COL4A4: variants seen among roughly 807,000 people sequenced by gnomAD.
COL4A4 encodes the protein collagen alpha-4(IV) chain.
In COL4A4, 105 loss-of-function variants were observed where a neutral mutation model predicts 192.9. The observed-to-expected ratio is 0.54, with a 90% CI of 0.46 to 0.64. The LOEUF is 0.64. Ranked by LOEUF, COL4A4 falls within the 30% of genes least tolerant of loss-of-function variation. COL4A4 has a pLI of 0.00. For synonymous variants in COL4A4, 762 were observed against 769.9 expected, an observed-to-expected ratio of 0.99 and a Z score of 0.17; for missense variants, 1,967 against 2,169.3, an observed-to-expected ratio of 0.91 and a Z score of 1.85.
chr2:226,988,279 A>G, the COL4A4 span: 1 of 1,519,222 alleles, frequency 6.6e-7, no homozygotes, highest in Non-Finnish European at 8.8e-7. Flanking sequence ...AGGCCACTGT[A>G]AGTCTCTTCC....
intron 3 of COL4A4, among the ~76,000 whole-genome samples, chr2:227,142,979 A>G (rs1388616217): frequency 6.6e-6 from 1 of 151,282 alleles, no homozygotes; most frequent in Non-Finnish European, 1.5e-5. Context: ...ATTAATAAGC[A>G]TATTCATACA....
At chr2:227,142,804 A>G in intron 3 of COL4A4, among the ~76,000 whole-genome samples, 1 of 152,034 alleles carries the variant, frequency 6.6e-6, no homozygotes, top group Non-Finnish European at 1.5e-5. Context: ...AATGTCTTAT[A>G]CTTGTAATTC....
At chr2:226,993,195 C>T in the COL4A4 span, among the ~76,000 whole-genome samples, 44 of 152,308 alleles carry the variant, frequency 2.9e-4, no homozygotes, top group Non-Finnish European at 1.8e-4. Context: ...TATTAATCTG[C>T]GGGCTTTTTC....
chr2:227,033,575 T>C, intron 37 of COL4A4, 94 bp from the exon 38 acceptor site: 1 of 1,080,460 alleles, frequency 9.3e-7, no homozygotes, highest in South Asian at 1.3e-5. Context: ...AGAGGGCGCG[T>C]TGCTGGGGCC....
chr2:227,041,774 G>GAAA (rs1971016320), intron 37 of COL4A4, among the ~76,000 whole-genome samples: 8 of 84,134 alleles, frequency 9.5e-5, no homozygotes, highest in African/African-American at 4.0e-4. Context: ...AAGGAAGGAA[G>GAAA]GAAGGAAGGA....
the COL4A4 span, among the ~76,000 whole-genome samples, chr2:226,974,459 G>A: frequency 2.6e-5 from 4 of 152,036 alleles, no homozygotes; most frequent in African/African-American, 7.2e-5. Context: ...GGATGGTTTC[G>A]ATCTCCTGAC....
chr2:227,054,682 A>AC lies in COL4A4; in HGVS notation c.2771dup (p.Ala925CysfsTer38). 2 of 1,614,188 alleles carry AC rather than the reference A, an allele frequency of 1.2e-6. No individual in the cohort carries two copies. The highest frequency in any genetic ancestry group is 1.7e-6 in the Non-Finnish European group (2 of 1,180,024). On this transcript the variant is annotated frameshift_variant, in exon 31 of 48. Transcript: ENST00000396625. LOFTEE classifies it high-confidence loss of function. The stretch of plus-strand genomic sequence containing the variant: ...CCTTTGCGCCAGGACATCCCTCTGC[A>AC]CCAGGCTTTCCTCTTTCTCCGGGAA...
At chr2:227,036,702 C>T (rs1026596599) in intron 37 of COL4A4, among the ~76,000 whole-genome samples, 2 of 152,130 alleles carry the variant, frequency 1.3e-5, no homozygotes, top group Non-Finnish European at 2.9e-5. Flanking sequence ...GCTGTCAAGA[C>T]GATGCGGGAC....
At chr2:227,163,715 T>C (rs996873132) in intron 1 of COL4A4, among the ~76,000 whole-genome samples, 1 of 152,224 alleles carries the variant, frequency 6.6e-6, no homozygotes, top group African/African-American at 2.4e-5. Context: ...CAGCGGAGAA[T>C]AAGATGGGCT....
At chr2:227,117,043 G>A (rs911604034) in intron 7 of COL4A4, among the ~76,000 whole-genome samples, 11 of 152,138 alleles carry the variant, frequency 7.2e-5, no homozygotes, top group Admixed American at 4.6e-4. Context: ...AACTGGCAAA[G>A]TTTCTAATGT....
At chr2:226,967,747 C>T in the COL4A4 span, among the ~76,000 whole-genome samples, 1 of 151,992 alleles carries the variant, frequency 6.6e-6, no homozygotes, top group Non-Finnish European at 1.5e-5. Flanking sequence ...TATGTCCACA[C>T]CCCCAAGAGG....
chr2:227,078,123 A>G, intron 24 of COL4A4, 46 bp from the exon 25 acceptor site: 2 of 1,596,728 alleles, frequency 1.3e-6, no homozygotes, highest in Non-Finnish European at 1.7e-6. Flanking sequence ...CTGAATGTCC[A>G]TGAACTCAAA....
chr2:227,091,022 T>TAA (rs202185491), intron 20 of COL4A4, among the ~76,000 whole-genome samples: 76 of 151,598 alleles, frequency 5.0e-4, no homozygotes, highest in Non-Finnish European at 9.3e-4. Flanking sequence ...ATGATTTGTC[T>TAA]AAAAAAACAG....
intron 20 of COL4A4, among the ~76,000 whole-genome samples, chr2:227,092,016 T>G (rs1444949472): frequency 6.6e-6 from 1 of 151,868 alleles, no homozygotes; most frequent in African/African-American, 2.4e-5. Context: ...CCAGTACAAA[T>G]GTACCCACAC....
chr2:227,070,994 A>C (rs1048403407), intron 25 of COL4A4, among the ~76,000 whole-genome samples: 1 of 152,164 alleles, frequency 6.6e-6, no homozygotes, highest in Non-Finnish European at 1.5e-5. Context: ...CCTATAATAC[A>C]ATAACACAAT....
chr2:227,094,852 T>G (rs2060126541), intron 19 of COL4A4, among the ~76,000 whole-genome samples: 1 of 152,302 alleles, frequency 6.6e-6, no homozygotes, highest in East Asian at 1.9e-4. Flanking sequence ...CAGTGATATC[T>G]CCACAAAGCT....
chr2:227,010,704 C>A (rs1014716530), intron 45 of COL4A4, among the ~76,000 whole-genome samples: 2 of 152,210 alleles, frequency 1.3e-5, no homozygotes, highest in Non-Finnish European at 2.9e-5. Flanking sequence ...TTGTTCCAAG[C>A]AACTCCTAGA....
At chr2:227,103,021 G>T in intron 14 of COL4A4, 123 bp downstream of exon 14, 1 of 1,072,938 alleles carries the variant, frequency 9.3e-7, no homozygotes, top group Non-Finnish European at 1.4e-6. Flanking sequence ...TGATAAGATA[G>T]TGAAAAATTC....
chr2:227,010,297 G>C lies in COL4A4; in HGVS notation c.4522+16C>G. ...TACTCTTCAGGCAATGGAGATGGGC[G>C]ATCCTGTATCCATACCAAGGTCTTG... On this transcript the variant is annotated intron_variant, in intron 46 of 47. Coordinates refer to ENST00000396625, the MANE Select transcript of COL4A4 (RefSeq NM_000092.5). 1 of 1,614,050 alleles carries C rather than the reference G, an allele frequency of 6.2e-7. No homozygotes were observed. The highest frequency in any genetic ancestry group is 8.5e-7 in the Non-Finnish European group (1 of 1,179,904).
Sources: allele counts gnomAD v4.1 joint callset (sites outside exome capture counted in the v4.1 genomes callset), GRCh38; gene constraint gnomAD v4.1.1; transcripts MANE v1.5; gene names NCBI Gene and HGNC (gene_info 2026-07-23, HGNC 2026-07-21).